Variants in SBNO2 observed in about 807,000 individuals in gnomAD.
SBNO2 encodes protein strawberry notch homolog 2.
In SBNO2, 89 loss-of-function variants were observed where a neutral mutation model predicts 146.3. That is an observed-to-expected ratio of 0.61 (90% CI 0.51 to 0.73). The LOEUF is 0.73. Among genes scored for constraint, SBNO2 ranks in the 30% least tolerant of loss-of-function variants. The probability of loss-of-function intolerance (pLI) is 0.00; values close to 1 mark genes in which losing one functional copy is unlikely to be tolerated. For synonymous variants in SBNO2, 1,147 were observed against 892.6 expected, an observed-to-expected ratio of 1.29 and a Z score of -5.08; for missense variants, 2,092 against 2,003.7, an observed-to-expected ratio of 1.04 and a Z score of -0.84.
chr19:1,116,330 C>T (rs924938757), intron 16 of SBNO2, among the ~76,000 whole-genome samples: 2 of 150,966 alleles, frequency 1.3e-5, no homozygotes, highest in Non-Finnish European at 1.5e-5. Context: ...AGGCTTCCCC[C>T]GCTCTGAGGA....
At chr19:1,129,002 C>T (rs2079998705) in intron 4 of SBNO2, among the ~76,000 whole-genome samples, 1 of 150,944 alleles carries the variant, frequency 6.6e-6, no homozygotes, top group Non-Finnish European at 1.5e-5. Context: ...CATGGTAGCT[C>T]ACGCCTGTAA....
chr19:1,109,430 AG>A lies in SBNO2; in HGVS notation c.3217-8del. ...TGGGCTTGTTACCGCGGACCTGCGG[AG>A]GGGGGCGTTGAGGCCGCGCCCCGGT... is the stretch of plus-strand genomic sequence containing the variant. On this transcript the variant is annotated splice_region_variant and splice_polypyrimidine_tract_variant and intron_variant, in intron 28 of 31. Transcript: ENST00000361757. This position sits in a 1 kb window ranked among gnomAD's most constrained non-coding sequence, Gnocchi z 4.2. 2 of 1,563,902 alleles carry A rather than the reference AG, an allele frequency of 1.3e-6. No homozygotes were observed. The highest frequency in any genetic ancestry group is 1.7e-6 in the Non-Finnish European group (2 of 1,155,446).
At chr19:1,153,718 A>G (rs1408228066) in intron 2 of SBNO2, among the ~76,000 whole-genome samples, 2 of 152,100 alleles carry the variant, frequency 1.3e-5, no homozygotes, top group African/African-American at 4.8e-5. Flanking sequence ...TGGTATCTTT[A>G]GCAGAAGCGA....
At chr19:1,118,130 G>GT (rs2079855155) in intron 14 of SBNO2, among the ~76,000 whole-genome samples, 1 of 152,184 alleles carries the variant, frequency 6.6e-6, no homozygotes, top group South Asian at 2.1e-4. Context: ...GAGCTCAGGA[G>GT]TTTGAGACCA....
intron 7 of SBNO2, 77 bp downstream of exon 7, chr19:1,123,456 CG>C: frequency 8.3e-7 from 1 of 1,199,524 alleles, no homozygotes; most frequent in Non-Finnish European, 1.2e-6. Context: ...GCTGTGCGGG[CG>C]GTGGTCACCT....
chr19:1,120,038 G>A lies in SBNO2; in HGVS notation c.1150-15C>T, dbSNP rs898557198. ...TCGAACACGATCTGAGGCACACGTG[G>A]GTTAAGGAGTATTCTGAAGGACGGG... On this transcript the variant is annotated splice_polypyrimidine_tract_variant and intron_variant, in intron 11 of 31. Coordinates refer to ENST00000361757, the MANE Select transcript of SBNO2 (RefSeq NM_014963.3). 3.9e-6 allele frequency: 6 copies of A among 1,546,314 alleles called. No individual in the cohort carries two copies. The highest frequency in any genetic ancestry group is 1.7e-4 in the Middle Eastern group (1 of 6,004).
intron 4 of SBNO2, among the ~76,000 whole-genome samples, chr19:1,133,392 C>T (rs1227158055): frequency 1.3e-5 from 2 of 152,124 alleles, no homozygotes; most frequent in Non-Finnish European, 2.9e-5. Context: ...GTAAGACTCC[C>T]GCCAGGGCTC....
chr19:1,114,573 T>TCTCCAGGGACGCC, intron 17 of SBNO2, among the ~76,000 whole-genome samples, 151 bp from the exon 18 acceptor site: 1 of 152,254 alleles, frequency 6.6e-6, no homozygotes, highest in South Asian at 2.1e-4. Flanking sequence ...GCTCAGCTGT[T>TCTCCAGGGACGCC]CTCCAGGGAC....
rs1332528404 is a variant in SBNO2 at position 1,157,768 on chromosome 19, C to A, written c.-126-3366G>T. On this transcript the variant is annotated intron_variant, in intron 1 of 31. Transcript: ENST00000361757. The surrounding 1 kb of genome is among the most constrained non-coding windows in gnomAD (Gnocchi z 6.8). Reference sequence around the variant, plus strand: ...CAGAACCTCAGACAGGACCAAGATCCGGGAGAATCCGAGGAACCGGGTAAC... The same window carrying A: ...CAGAACCTCAGACAGGACCAAGATCAGGGAGAATCCGAGGAACCGGGTAAC... Among the ~76,000 whole-genome samples the A allele has an allele frequency of 6.6e-6, 1 of 152,158 alleles. No homozygotes were observed. Among genetic ancestry groups the A allele is most frequent in the Admixed American group, 6.6e-5 (1 of 15,262 alleles).
rs1490191916 is a variant in SBNO2 at position 1,157,376 on chromosome 19, G to C, written c.-126-2974C>G. 6.0e-5 allele frequency among the ~76,000 whole-genome samples: 8 copies of C among 133,726 alleles called. No homozygotes were observed. The highest frequency in any genetic ancestry group is 2.2e-4 in the African/African-American group (8 of 37,058). 87.7% of individuals were successfully genotyped at this position (133,726 alleles called of 152,430 possible). ...CCCCACGCGGCCCCGGAGACCCTCT[G>C]CCACGCAGCCCCGGAGACGCTCTCC... On this transcript the variant is annotated intron_variant, in intron 1 of 31. Transcript: ENST00000361757. The surrounding 1 kb of genome is among the most constrained non-coding windows in gnomAD (Gnocchi z 6.8).
chr19:1,164,182 C>T (rs1034137276), intron 1 of SBNO2, among the ~76,000 whole-genome samples: 3 of 142,736 alleles, frequency 2.1e-5, no homozygotes, highest in Non-Finnish European at 4.7e-5. Flanking sequence ...CGGGGCCTTC[C>T]GGAGGGGCCA....
chr19:1,116,211 G>A, intron 16 of SBNO2, 108 bp from the exon 17 acceptor site: 1 of 979,464 alleles, frequency 1.0e-6, no homozygotes, highest in East Asian at 2.5e-5. Context: ...TCCCGGACAG[G>A]ACCGGGCCTG....
intron 13 of SBNO2, 127 bp downstream of exon 13, chr19:1,119,389 C>G (rs773416780): frequency 2.2e-6 from 2 of 891,624 alleles, no homozygotes; most frequent in South Asian, 1.7e-5. Context: ...GTGAAACGAG[C>G]GACCCACATT....
At chr19:1,111,472 C>T in intron 24 of SBNO2, 34 bp downstream of exon 24, 3 of 1,444,278 alleles carry the variant, frequency 2.1e-6, no homozygotes, top group Non-Finnish European at 2.9e-6. Flanking sequence ...CAACCCCTGC[C>T]CCTCCCAGGA....
At chr19:1,153,705 G>A (rs866121345) in intron 2 of SBNO2, among the ~76,000 whole-genome samples, 8 of 151,532 alleles carry the variant, frequency 5.3e-5, no homozygotes, top group African/African-American at 1.5e-4. Context: ...GCCTGGCTAA[G>A]TTTGGTATCT....
chr19:1,143,052 C>T (rs1026030605), intron 4 of SBNO2, among the ~76,000 whole-genome samples: 13 of 152,188 alleles, frequency 8.5e-5, no homozygotes, highest in African/African-American at 3.1e-4. Context: ...CAGGTTCTCC[C>T]TACCAATCCC....
intron 6 of SBNO2, 42 bp from the exon 7 acceptor site, chr19:1,123,681 G>T: frequency 3.2e-6 from 5 of 1,552,936 alleles, no homozygotes; most frequent in Non-Finnish European, 4.4e-6. Context: ...GCAGGCCTGA[G>T]CGGCCGCGGG....
At chr19:1,135,739 C>G (rs1251351831) in intron 4 of SBNO2, among the ~76,000 whole-genome samples, 1 of 152,172 alleles carries the variant, frequency 6.6e-6, no homozygotes, top group Non-Finnish European at 1.5e-5. Context: ...CCCTGCATTA[C>G]AGGGAGGGAA....
chr19:1,147,903 T>A lies in SBNO2; in HGVS notation c.168-483A>T, dbSNP rs182835871. On this transcript the variant is annotated intron_variant, in intron 3 of 31. Transcript: ENST00000361757. ...GTCGGAACCCCCCGCCCTGTCACCCTGAGGATGGCAAAGGACACAGCAAGG... is the reference window on the plus strand; with the variant it reads ...GTCGGAACCCCCCGCCCTGTCACCCAGAGGATGGCAAAGGACACAGCAAGG... 6.2e-3 allele frequency among the ~76,000 whole-genome samples: 936 copies of A among 152,136 alleles called. 4 individuals carry two copies. Among genetic ancestry groups the A allele is most frequent in the Non-Finnish European group, 8.4e-3 (570 of 67,952 alleles).
Sources: gnomAD v4.1 joint callset for allele counts (sites outside exome capture counted in the v4.1 genomes callset) on GRCh38, gnomAD v4.1.1 for gene constraint, Gnocchi (gnomAD v3.1) non-coding constraint, MANE v1.5 for transcripts, NCBI Gene and HGNC (gene_info 2026-07-23, HGNC 2026-07-21) for gene names.